Variants in RPL15 observed in about 807,000 individuals in gnomAD.
RPL15 encodes large ribosomal subunit protein eL15.
For synonymous variants in RPL15, 97 were observed against 95.1 expected (o/e 1.02, Z -0.12); for missense variants, 161 against 271.8 (o/e 0.59, Z 2.87).
chr3:23,918,919 C>T (rs1704889288), intron 3 of RPL15: 4 of 524,686 alleles, frequency 7.6e-6, no homozygotes, highest in Non-Finnish European at 1.3e-5. Flanking sequence ...GGTCCCCAAA[C>T]CCTAAATTTT....
Position 23,920,529 on chromosome 3 carries a change from A to G in RPL15, c.*1028A>G, listed in dbSNP as rs979072972. 74 of 985,206 alleles carry G rather than the reference A, an allele frequency of 7.5e-5. No homozygotes were observed. Among genetic ancestry groups the G allele is most frequent in the Non-Finnish European group, 8.9e-5 (74 of 829,850 alleles). 61.0% of individuals were successfully genotyped at this position (985,206 alleles called of 1,614,324 possible). ...ACCACATTGCATTTCTGTTTGCACC[A>G]TGTCTTCCAGGAGACTAGACTACTG... On this transcript the variant is annotated 3_prime_UTR_variant, in exon 4 of 4. Transcript: ENST00000307839.
chr3:23,919,148 C>CTA, intron 3 of RPL15, 48 bp from the exon 4 acceptor site: 1 of 1,316,274 alleles, frequency 7.6e-7, no homozygotes, highest in African/African-American at 1.5e-5. Context: ...TGACTTGCTG[C>CTA]TATAGGCAAT....
chr3:23,921,699 C>G, downstream of RPL15: 1 of 657,294 alleles, frequency 1.5e-6, no homozygotes, highest in Non-Finnish European at 2.7e-6. Context: ...CTCGGCCTCC[C>G]AAATAGCCAG....
chr3:23,923,279 A>G (rs1705147782), downstream of RPL15: 1 of 148,008 alleles, frequency 6.8e-6, no homozygotes, highest in Non-Finnish European at 1.5e-5. Flanking sequence ...GGAGTACAGT[A>G]ACACAATCTT....
downstream of RPL15, chr3:23,923,683 T>A (rs1300715488): frequency 6.6e-6 from 1 of 152,224 alleles, no homozygotes; most frequent in Non-Finnish European, 1.5e-5. Flanking sequence ...TAGAATAAAT[T>A]CTTAGAAGTA....
Position 23,919,766 on chromosome 3 carries a change from TTAA to T in RPL15, c.*269_*271del, listed in dbSNP as rs1704969692. On this transcript the variant is annotated 3_prime_UTR_variant, in exon 4 of 4. Transcript: ENST00000307839. ...AAACATACTGTGTGGTATAACAGGC[TTAA>T]TAAATTCTTTAAAAGGAGAGAACTG... 5 of 1,167,330 alleles carry T rather than the reference TTAA, an allele frequency of 4.3e-6. No homozygotes were observed. The highest frequency in any genetic ancestry group is 4.2e-5 in the Admixed American group (1 of 23,848). The allele number at this position is 1,167,330 out of a possible 1,614,324, so 72.3% of individuals were successfully genotyped here.
rs980857260 is a variant in RPL15 at position 23,920,465 on chromosome 3, G to A, written c.*964G>A. 1 of 985,316 alleles carries A rather than the reference G, an allele frequency of 1.0e-6. No homozygotes were observed. Among genetic ancestry groups the A allele is most frequent in the African/African-American group, 1.7e-5 (1 of 57,288 alleles). The allele number at this position is 985,316 out of a possible 1,614,324, so 61.0% of individuals were successfully genotyped here. On this transcript the variant is annotated 3_prime_UTR_variant, in exon 4 of 4. Coordinates refer to ENST00000307839, the MANE Select transcript of RPL15 (RefSeq NM_002948.5). ...AAATCCTTACCATTCCACAAAGTTG[G>A]ACCATCACTTGTGCACCCACTTTGA...
At chr3:23,917,557 T>C (rs879522517) in intron 1 of RPL15, 2 of 300,630 alleles carry the variant, frequency 6.7e-6, no homozygotes, top group Non-Finnish European at 1.2e-5. Context: ...AGGTCCTCCT[T>C]GGGGACGCCG....
At chr3:23,922,687 A>G (rs1258356865), downstream of RPL15, 1 of 152,224 alleles carries the variant, frequency 6.6e-6, no homozygotes, top group Admixed American at 6.5e-5. This position sits in a 1 kb window ranked among gnomAD's most constrained non-coding sequence, Gnocchi z 4.2. Context: ...CACGTGGCCA[A>G]CTTAAAGTTT....
downstream of RPL15, among the ~76,000 whole-genome samples, chr3:23,921,439 T>C (rs952491985): frequency 3.3e-5 from 5 of 152,234 alleles, no homozygotes; most frequent in African/African-American, 1.2e-4. Flanking sequence ...AATGCCTTTA[T>C]GATGGGAAAG....
chr3:23,918,148 A>C, intron 2 of RPL15, 117 bp downstream of exon 2: 1 of 1,308,968 alleles, frequency 7.6e-7, no homozygotes, highest in Non-Finnish European at 1.0e-6. Flanking sequence ...CTTTGGCAGA[A>C]AAAAGCTAGC....
rs139105525 is a variant in RPL15, at chr3:23,920,414, C to G, written c.*913C>G. The stretch of plus-strand genomic sequence containing the variant: ...CCATATGTGTTTTCTGCAGTTATTT[C>G]TCTTGTTCTGGCCAAACAACCCTAA... On this transcript the variant is annotated 3_prime_UTR_variant, in exon 4 of 4. Transcript: ENST00000307839. 7.1e-6 allele frequency: 7 copies of G among 985,404 alleles called. No homozygotes were observed. The highest frequency in any genetic ancestry group is 8.4e-6 in the Non-Finnish European group (7 of 829,918). 61.0% of individuals were successfully genotyped at this position (985,404 alleles called of 1,614,324 possible).
chr3:23,919,150 A>G, intron 3 of RPL15, 46 bp from the exon 4 acceptor site: 1 of 1,337,200 alleles, frequency 7.5e-7, no homozygotes, highest in Non-Finnish European at 1.1e-6. Flanking sequence ...ACTTGCTGCT[A>G]TAGGCAATGT....
chr3:23,916,878 G>A (rs1231374657), upstream of RPL15: 1 of 152,864 alleles, frequency 6.5e-6, no homozygotes. Flanking sequence ...CTCTCGCGGA[G>A]AGACAGTCGC....
intron 3 of RPL15, 78 bp from the exon 4 acceptor site, chr3:23,919,118 T>A (rs1309676859): frequency 3.1e-6 from 3 of 965,498 alleles, no homozygotes; most frequent in African/African-American, 1.6e-5. Context: ...TGAACTAGAG[T>A]TGAGAATTAA....
rs753971737 is a variant in RPL15, at chr3:23,919,346, C to G, written c.460C>G (p.Pro154Ala). 2.8e-5 allele frequency: 45 copies of G among 1,602,486 alleles called. No individual in the cohort carries two copies. The highest frequency in any genetic ancestry group is 3.7e-5 in the Non-Finnish European group (44 of 1,179,622). ...RNPDTQWITK[P>A]VHKHREMRGL... ...TCCTGACACCCAGTGGATCACCAAA[C>G]CAGTCCACAAGCACAGGGAGATGCG... The change falls in exon 4 of 4, where the codon CCA becomes GCA. Residue 154 changes from proline to alanine, a missense_variant. Coordinates refer to ENST00000307839, the MANE Select transcript of RPL15 (RefSeq NM_002948.5).
intron 2 of RPL15, 100 bp downstream of exon 2, chr3:23,918,131 C>T: frequency 7.0e-7 from 1 of 1,424,736 alleles, no homozygotes; most frequent in Non-Finnish European, 9.5e-7. Flanking sequence ...TCTTTCTTCG[C>T]ATAGGGCTTT....
chr3:23,919,901 G>A lies in RPL15; in HGVS notation c.*400G>A. The A allele has an allele frequency of 1.0e-6, 1 of 993,052 alleles. No homozygotes were observed. 61.5% of individuals were successfully genotyped at this position (993,052 alleles called of 1,614,324 possible). A position where few individuals can be genotyped will look rare whatever the true frequency, so the allele number is the denominator to read the frequency against. ...TTTTCAAGTGGCTGCGTTTTTTTTA[G>A]TTTGGCAGGTGTAGACTTTTTAAGT... On this transcript the variant is annotated 3_prime_UTR_variant, in exon 4 of 4. Coordinates refer to ENST00000307839, the MANE Select transcript of RPL15 (RefSeq NM_002948.5).
At chr3:23,917,707 G>T (rs924496674) in intron 1 of RPL15, 143 bp from the exon 2 acceptor site, 1 of 796,154 alleles carries the variant, frequency 1.3e-6, no homozygotes, top group Non-Finnish European at 2.0e-6. Flanking sequence ...TGGGGGTTGG[G>T]CTAGCTGTCC....
Sources: gnomAD v4.1 joint callset for allele counts (sites outside exome capture counted in the v4.1 genomes callset) on GRCh38, gnomAD v4.1.1 for gene constraint, Gnocchi (gnomAD v3.1) non-coding constraint, MANE v1.5 for transcripts, NCBI Gene and HGNC (gene_info 2026-07-23, HGNC 2026-07-21) for gene names.